ZFAT: variants seen among roughly 807,000 people sequenced by gnomAD.
ZFAT encodes the protein zinc finger and AT-hook domain containing.
In ZFAT, 64 loss-of-function variants were observed where a neutral mutation model predicts 117.7. That is an observed-to-expected ratio of 0.54 (90% CI 0.44 to 0.67). The LOEUF (loss-of-function observed/expected upper bound fraction) is 0.67. Among genes scored for constraint, ZFAT ranks in the 30% least tolerant of loss-of-function variants. ZFAT has a pLI of 0.00. For missense variants in ZFAT, 1,433 were observed against 1,584.5 expected (o/e 0.90, Z 1.62); for synonymous variants, 679 against 615.0 (o/e 1.10, Z -1.54).
rs1298745379 is a variant in ZFAT at position 134,681,375 on chromosome 8, CAT to C, written c.20-23640_20-23639del. Among the ~76,000 whole-genome samples, 5 of 152,348 alleles carry C rather than the reference CAT, an allele frequency of 3.3e-5. No homozygotes were observed. The East Asian group carries it at 9.6e-4, about 29-fold the overall frequency. Reference sequence around the variant, plus strand: ...TGCCACACCTTTGCCCACTGCCTTTCATACCACCTGTACTCATTACCTGCAGT... The same window carrying C: ...TGCCACACCTTTGCCCACTGCCTTTCACCACCTGTACTCATTACCTGCAGT... On this transcript the variant is annotated intron_variant, in intron 1 of 15. Coordinates refer to ENST00000377838, the MANE Select transcript of ZFAT (RefSeq NM_020863.4).
At chr8:134,642,273 A>G (rs545738937) in intron 2 of ZFAT, among the ~76,000 whole-genome samples, 25 of 152,302 alleles carry the variant, frequency 1.6e-4, no homozygotes, top group Non-Finnish European at 3.4e-4. Context: ...AGCACTACAC[A>G]CTTTAATAGA....
At chr8:134,512,732 C>T in intron 13 of ZFAT, 131 bp from the exon 14 acceptor site, 1 of 1,204,344 alleles carries the variant, frequency 8.3e-7, no homozygotes, top group Non-Finnish European at 1.1e-6. Flanking sequence ...ATTTACCTGG[C>T]ACCCCTGAGA....
At chr8:134,531,026 GTCTGTGTGTGTA>G (rs1411007348) in intron 12 of ZFAT, among the ~76,000 whole-genome samples, 1 of 152,156 alleles carries the variant, frequency 6.6e-6, no homozygotes, top group Non-Finnish European at 1.5e-5. Flanking sequence ...ATCTGTGTGT[GTCTGTGTGTGTA>G]TCTCTGAAAG....
intron 12 of ZFAT, among the ~76,000 whole-genome samples, chr8:134,523,605 C>A (rs187321558): frequency 3.9e-5 from 6 of 152,332 alleles, no homozygotes; most frequent in African/African-American, 1.4e-4. Flanking sequence ...GGTATAAACC[C>A]TTCCAATGGT....
At chr8:134,628,072 C>T (rs1333747322) in intron 3 of ZFAT, among the ~76,000 whole-genome samples, 1 of 152,014 alleles carries the variant, frequency 6.6e-6, no homozygotes, top group Non-Finnish European at 1.5e-5. Flanking sequence ...TGGAGCTGGG[C>T]CTGGAAAGGG....
At chr8:134,748,913 T>C in the ZFAT span, among the ~76,000 whole-genome samples, 371 of 152,328 alleles carry the variant, frequency 2.4e-3, 2 homozygotes, top group African/African-American at 8.5e-3. Context: ...TATCAGGTTT[T>C]CTGCCTTATT....
intron 15 of ZFAT, among the ~76,000 whole-genome samples, chr8:134,495,880 T>C (rs1818398976): frequency 6.6e-6 from 1 of 151,812 alleles, no homozygotes; most frequent in Admixed American, 6.6e-5. Context: ...CAGTGAGCCA[T>C]AATCACGCCA....
At chr8:134,691,955 T>A (rs145530944) in intron 1 of ZFAT, among the ~76,000 whole-genome samples, 2,635 of 152,244 alleles carry the variant, frequency 0.017, 77 homozygotes, top group African/African-American at 0.061. Flanking sequence ...CCTCCTGGGT[T>A]CAAGCAATTC....
At chr8:134,664,356 G>A (rs566967048) in intron 1 of ZFAT, among the ~76,000 whole-genome samples, 3 of 152,296 alleles carry the variant, frequency 2.0e-5, no homozygotes, top group East Asian at 1.9e-4. Flanking sequence ...AGAACATACA[G>A]CCACACAGAG....
chr8:134,801,384 C>T, the ZFAT span, among the ~76,000 whole-genome samples: 1 of 152,200 alleles, frequency 6.6e-6, no homozygotes, highest in Non-Finnish European at 1.5e-5. Flanking sequence ...TACCAACACA[C>T]TTGCATCAAA....
At chr8:134,482,976 C>T (rs1817420337) in intron 15 of ZFAT, among the ~76,000 whole-genome samples, 1 of 152,178 alleles carries the variant, frequency 6.6e-6, no homozygotes. Context: ...GCTGCCCACA[C>T]AGATGTCCAC....
At chr8:134,499,465 G>A (rs1818787374) in intron 15 of ZFAT, among the ~76,000 whole-genome samples, 1 of 147,006 alleles carries the variant, frequency 6.8e-6, no homozygotes, top group Non-Finnish European at 1.5e-5. Context: ...GGATGCCCCC[G>A]TTGCTGGTTA....
chr8:134,666,992 T>C, intron 1 of ZFAT, among the ~76,000 whole-genome samples: 1 of 152,180 alleles, frequency 6.6e-6, no homozygotes, highest in East Asian at 1.9e-4. Flanking sequence ...TGAAGGGACA[T>C]GGATGAAGGT....
intron 10 of ZFAT, 80 bp from the exon 11 acceptor site, chr8:134,565,501 G>T: frequency 7.7e-7 from 1 of 1,292,420 alleles, no homozygotes; most frequent in Non-Finnish European, 1.1e-6. Flanking sequence ...CATGGAGCCA[G>T]GTACACAAAG....
At chr8:134,639,621 A>G (rs1039349675) in intron 2 of ZFAT, among the ~76,000 whole-genome samples, 30 of 152,358 alleles carry the variant, frequency 2.0e-4, no homozygotes, top group Non-Finnish European at 3.4e-4. Flanking sequence ...GGGAGGAAAG[A>G]AATACAAGGT....
chr8:134,645,208 A>C (rs1460337352), intron 2 of ZFAT, among the ~76,000 whole-genome samples: 1 of 152,228 alleles, frequency 6.6e-6, no homozygotes, highest in African/African-American at 2.4e-5. Flanking sequence ...CCAAAATAAT[A>C]AATCAATTAC....
intron 11 of ZFAT, among the ~76,000 whole-genome samples, chr8:134,557,997 G>T (rs543154151): frequency 4.9e-4 from 74 of 152,338 alleles, no homozygotes; most frequent in African/African-American, 1.8e-3. Flanking sequence ...GGGCTGTGGG[G>T]CCCCTGCATC....
chr8:134,568,934 T>C (rs577704778), intron 10 of ZFAT, among the ~76,000 whole-genome samples: 2 of 152,166 alleles, frequency 1.3e-5, no homozygotes, highest in African/African-American at 4.8e-5. Flanking sequence ...CTGCAAAACC[T>C]AGTATTTACT....
At chr8:134,781,352 A>C in the ZFAT span, among the ~76,000 whole-genome samples, 1 of 152,120 alleles carries the variant, frequency 6.6e-6, no homozygotes, top group African/African-American at 2.4e-5. Flanking sequence ...ATATACTAGA[A>C]ATCTAAGCTC....
Sources: gnomAD v4.1 joint callset for allele counts (sites outside exome capture counted in the v4.1 genomes callset) on GRCh38, gnomAD v4.1.1 for gene constraint, MANE v1.5 for transcripts, NCBI Gene and HGNC (gene_info 2026-07-23, HGNC 2026-07-21) for gene names.